The following TENM4 variants were observed in gnomAD, a reference collection of about 807,000 sequenced individuals.
TENM4 encodes teneurin transmembrane protein 4, also known as teneurin-4.
In TENM4, 82 loss-of-function variants were observed where a neutral mutation model predicts 243.3. That is an observed-to-expected ratio of 0.34 (90% confidence interval 0.28 to 0.40). The LOEUF is 0.40. Among genes scored for constraint, TENM4 ranks in the 10% least tolerant of loss-of-function variants. The probability of loss-of-function intolerance (pLI) is 1.00; values close to 1 mark genes in which losing one functional copy is unlikely to be tolerated. For missense variants in TENM4, 3,138 were observed against 3,673.3 expected (o/e 0.85, Z 3.77); for synonymous variants, 1,412 against 1,456.3 (o/e 0.97, Z 0.69).
chr11:79,281,918 T>C (rs1260198954), intron 2 of TENM4, among the ~76,000 whole-genome samples: 1 of 152,234 alleles, frequency 6.6e-6, no homozygotes, highest in African/African-American at 2.4e-5. Context: ...TGTCTCTGAA[T>C]GTGCAGTTAG....
chr11:79,334,872 AG>A (rs1857122932), intron 1 of TENM4, among the ~76,000 whole-genome samples: 1 of 152,226 alleles, frequency 6.6e-6, no homozygotes, highest in Non-Finnish European at 1.5e-5. Flanking sequence ...TAAGGGAAAG[AG>A]GTTTGGATTA....
chr11:79,261,226 T>C (rs17137962), intron 2 of TENM4, among the ~76,000 whole-genome samples: 4,892 of 152,150 alleles, frequency 0.032, 242 homozygotes, highest in East Asian at 0.12. Context: ...CCAGACATAA[T>C]TTCATACCTG....
intron 15 of TENM4, among the ~76,000 whole-genome samples, chr11:78,791,295 T>C (rs1300352045): frequency 6.6e-6 from 1 of 152,252 alleles, no homozygotes; most frequent in Non-Finnish European, 1.5e-5. Context: ...TTTTTCCTTC[T>C]CAGATTCTGC....
At chr11:78,955,786 C>T (rs1172754983) in intron 6 of TENM4, among the ~76,000 whole-genome samples, 3 of 152,170 alleles carry the variant, frequency 2.0e-5, no homozygotes, top group African/African-American at 7.2e-5. Flanking sequence ...ATTAGAGTCA[C>T]CAGAGTTTCC....
chr11:79,022,980 G>A (rs1001753819), intron 6 of TENM4, among the ~76,000 whole-genome samples: 1 of 152,198 alleles, frequency 6.6e-6, no homozygotes, highest in Non-Finnish European at 1.5e-5. Context: ...GCTCAGAGAA[G>A]TGAAGTAACC....
chr11:78,822,961 C>T (rs563100678), intron 12 of TENM4, among the ~76,000 whole-genome samples: 19 of 152,312 alleles, frequency 1.2e-4, no homozygotes, highest in South Asian at 8.3e-4. Flanking sequence ...TATCATCCAT[C>T]CCTTGATGGG....
At chr11:78,771,213 GCCAA>G in intron 17 of TENM4, 75 bp from the exon 18 acceptor site, 1 of 1,517,494 alleles carries the variant, frequency 6.6e-7, no homozygotes, top group Non-Finnish European at 8.9e-7. Flanking sequence ...CACGCTACCT[GCCAA>G]CTTGCAAAAT....
In TENM4 at chr11:79,024,388, GA is replaced by G. The variant is rs147121519; in HGVS notation, c.493+40349del. ...TGATCATGAGAACTACTCTAGCAGA[GA>G]GGGGGGGCAGCATGGGTTGTTTATG... On this transcript the variant is annotated intron_variant, in intron 6 of 33. Transcript: ENST00000278550. Among the ~76,000 whole-genome samples the G allele has an allele frequency of 3.3e-3, 497 of 152,344 alleles. 3 individuals carry two copies. Among genetic ancestry groups the G allele is most frequent in the African/African-American group, 0.012 (480 of 41,578 alleles).
chr11:78,992,687 A>G (rs1281778109), intron 6 of TENM4, among the ~76,000 whole-genome samples: 1 of 152,224 alleles, frequency 6.6e-6, no homozygotes, highest in Non-Finnish European at 1.5e-5. Context: ...ATATATGATT[A>G]AGAAATAGGT....
chr11:78,811,807 C>T (rs1222419721), intron 14 of TENM4, among the ~76,000 whole-genome samples: 1 of 152,196 alleles, frequency 6.6e-6, no homozygotes, highest in Non-Finnish European at 1.5e-5. Context: ...GTCTCAGATT[C>T]CCCAACTATA....
intron 19 of TENM4, among the ~76,000 whole-genome samples, chr11:78,754,895 G>A (rs75626231): frequency 0.027 from 4,067 of 152,256 alleles, 65 homozygotes; most frequent in Non-Finnish European, 0.036. Context: ...ATTCTGCCAC[G>A]CACTTGCTGG....
At chr11:79,123,012 A>G (rs1438379679) in intron 4 of TENM4, among the ~76,000 whole-genome samples, 1 of 152,198 alleles carries the variant, frequency 6.6e-6, no homozygotes, top group Non-Finnish European at 1.5e-5. Flanking sequence ...GAAATGAAGC[A>G]ACGTCATCCT....
intron 1 of TENM4, among the ~76,000 whole-genome samples, chr11:79,431,831 A>C (rs1300206101): frequency 6.6e-6 from 1 of 152,198 alleles, no homozygotes. Flanking sequence ...ACTTAACCAC[A>C]ACTTGAATTA....
At chr11:79,091,739 C>T (rs1188373793) in intron 4 of TENM4, among the ~76,000 whole-genome samples, 3 of 152,148 alleles carry the variant, frequency 2.0e-5, no homozygotes, top group African/African-American at 7.2e-5. Context: ...CCAACACAGA[C>T]CTTCACATCC....
chr11:78,911,961 T>C (rs937974996), intron 6 of TENM4, among the ~76,000 whole-genome samples: 17 of 152,082 alleles, frequency 1.1e-4, no homozygotes, highest in Non-Finnish European at 1.9e-4. Context: ...AATTTACACA[T>C]AGAGTGGTCT....
Position 78,738,534 on chromosome 11 carries a change from T to G in TENM4, c.2793A>C (p.Ser931=). 2 of 1,613,910 alleles carry G rather than the reference T, an allele frequency of 1.2e-6. No homozygotes were observed. The highest frequency in any genetic ancestry group is 1.7e-6 in the Non-Finnish European group (2 of 1,179,824). ...TCACACCAACCAGGGGGGTTCCATCTGATGTCATCACTTGGCCACGAATAA... is the reference window on the plus strand; with the variant it reads ...TCACACCAACCAGGGGGGTTCCATCGGATGTCATCACTTGGCCACGAATAA... ...ACVIRGQVMT[S]DGTPLVGVNI... Residue 931 remains serine (S), a synonymous_variant, in exon 20 of 34, where the codon TCA becomes TCC. Coordinates refer to ENST00000278550, the MANE Select transcript of TENM4 (RefSeq NM_001098816.3).
At chr11:78,881,824 CT>C (rs1855438435) in intron 9 of TENM4, among the ~76,000 whole-genome samples, 2 of 152,220 alleles carry the variant, frequency 1.3e-5, no homozygotes, top group African/African-American at 2.4e-5. Context: ...TTTCAGACAA[CT>C]GCAGAGAGCC....
chr11:79,078,145 G>A (rs975482824), intron 4 of TENM4, among the ~76,000 whole-genome samples: 1 of 152,150 alleles, frequency 6.6e-6, no homozygotes, highest in Non-Finnish European at 1.5e-5. Flanking sequence ...GGGAAATGGG[G>A]GCTGTTATCA....
intron 3 of TENM4, among the ~76,000 whole-genome samples, chr11:79,168,781 CT>C (rs1228883665): frequency 2.0e-5 from 3 of 152,194 alleles, no homozygotes; most frequent in Non-Finnish European, 4.4e-5. Flanking sequence ...CTGTGACTTG[CT>C]TTGATCAATA....
Sources: allele counts gnomAD v4.1 joint callset (sites outside exome capture counted in the v4.1 genomes callset), GRCh38; gene constraint gnomAD v4.1.1; transcripts MANE v1.5; gene names NCBI Gene and HGNC (gene_info 2026-07-23, HGNC 2026-07-21).